TMEM50B: variants seen among roughly 807,000 people sequenced by gnomAD.
TMEM50B encodes the protein transmembrane protein 50B.
A neutral mutation model predicts 23.4 loss-of-function variants in TMEM50B; 14 were observed. That is an observed-to-expected ratio of 0.60 (90% CI 0.39 to 0.93). The LOEUF (loss-of-function observed/expected upper bound fraction) is 0.93. TMEM50B is among the 40% of genes least tolerant of loss of function. TMEM50B has a pLI of 0.00. For missense variants in TMEM50B, 159 were observed against 193.0 expected (o/e 0.82, Z 1.04); for synonymous variants, 64 against 62.3 (o/e 1.03, Z -0.13).
intron 4 of TMEM50B, among the ~76,000 whole-genome samples, chr21:33,461,022 G>A (rs2248355): frequency 0.77 from 117,431 of 152,192 alleles, 45,856 homozygotes; most frequent in East Asian, 0.98. Flanking sequence ...AAAACTTCAA[G>A]ATCAGAAGTA....
intron 7 of TMEM50B, among the ~76,000 whole-genome samples, chr21:33,439,534 C>G (rs1028848700): frequency 1.4e-4 from 21 of 151,698 alleles, no homozygotes; most frequent in Admixed American, 9.2e-4. Flanking sequence ...TGTGCGCCAC[C>G]ACACCCAGCT....
At chr21:33,460,644 T>C in intron 4 of TMEM50B, 139 bp from the exon 5 acceptor site, 1 of 433,072 alleles carries the variant, frequency 2.3e-6, no homozygotes, top group Non-Finnish European at 4.2e-6. Flanking sequence ...ATAAATCTGC[T>C]GTAAGTTAAA....
chr21:33,476,379 G>A (rs1005382481), intron 1 of TMEM50B, among the ~76,000 whole-genome samples: 8 of 151,836 alleles, frequency 5.3e-5, no homozygotes, highest in African/African-American at 1.2e-4. Context: ...GCAAAACTCC[G>A]TCTCAAAAAA....
exon 9 of TMEM50B, chr21:33,432,644 T>C: frequency 6.6e-7 from 1 of 1,525,480 alleles, no homozygotes; most frequent in East Asian, 2.2e-5. Context: ...GCAGCATGGA[T>C]GGAACATTAA....
intron 8 of TMEM50B, among the ~76,000 whole-genome samples, chr21:33,435,043 T>C (rs1000960263): frequency 6.6e-6 from 1 of 152,222 alleles, no homozygotes; most frequent in Non-Finnish European, 1.5e-5. Context: ...GGTACATGTT[T>C]TGGTTTTGTT....
chr21:33,464,804 C>CAAAAAAAAAAAAA (rs59855166), intron 4 of TMEM50B, among the ~76,000 whole-genome samples: 10 of 100,882 alleles, frequency 9.9e-5, no homozygotes, highest in South Asian at 3.4e-4. Context: ...AACTCCGTCT[C>CAAAAAAAAAAAAA]AAAAAAAAAA....
chr21:33,468,124 G>C (rs769597731), intron 2 of TMEM50B, among the ~76,000 whole-genome samples: 6 of 145,280 alleles, frequency 4.1e-5, no homozygotes, highest in African/African-American at 1.2e-4. Flanking sequence ...AACCAAGATA[G>C]GTCCTGATTT....
chr21:33,439,262 A>C (rs2083986974), exon 8 of TMEM50B: 2 of 152,298 alleles, frequency 1.3e-5, no homozygotes, highest in Admixed American at 6.6e-5. Context: ...TCTGTTGGGC[A>C]GCAGGATGGT....
intron 4 of TMEM50B, 63 bp downstream of exon 4, chr21:33,465,279 C>CT: frequency 4.0e-6 from 5 of 1,264,480 alleles, no homozygotes; most frequent in South Asian, 1.3e-5. Context: ...ACAAGAGAGG[C>CT]TTTTTTTCTG....
At chr21:33,456,427 T>C (rs1454630072) in intron 5 of TMEM50B, among the ~76,000 whole-genome samples, 1 of 152,244 alleles carries the variant, frequency 6.6e-6, no homozygotes, top group Non-Finnish European at 1.5e-5. Context: ...GAATTTATCA[T>C]TCTCTTTCAC....
intron 7 of TMEM50B, among the ~76,000 whole-genome samples, chr21:33,439,622 C>T (rs1380132129): frequency 6.6e-6 from 1 of 151,770 alleles, no homozygotes; most frequent in Admixed American, 6.6e-5. Flanking sequence ...TCAGGTGATC[C>T]GCTCACCTCA....
chr21:33,475,363 T>C (rs915718043), intron 1 of TMEM50B, among the ~76,000 whole-genome samples: 1 of 151,918 alleles, frequency 6.6e-6, no homozygotes, highest in Non-Finnish European at 1.5e-5. Context: ...TATTTTTTTT[T>C]GGGAGATGGA....
At chr21:33,450,891 G>T in intron 6 of TMEM50B, 28 bp from the exon 7 acceptor site, 1 of 1,595,946 alleles carries the variant, frequency 6.3e-7, no homozygotes, top group Non-Finnish European at 8.6e-7. Context: ...CAAATCATGA[G>T]GAAAAAACCG....
intron 5 of TMEM50B, among the ~76,000 whole-genome samples, chr21:33,456,506 T>C (rs2084169746): frequency 6.6e-6 from 1 of 152,232 alleles, no homozygotes; most frequent in African/African-American, 2.4e-5. Flanking sequence ...GGAAACTACT[T>C]AAATTTTTGT....
At chr21:33,446,660 A>AC (rs2084060526), downstream of TMEM50B, among the ~76,000 whole-genome samples, 2 of 145,368 alleles carry the variant, frequency 1.4e-5, no homozygotes, top group Non-Finnish European at 3.0e-5. Context: ...ACACACAAAA[A>AC]AAAAAAAAAA....
intron 4 of TMEM50B, among the ~76,000 whole-genome samples, chr21:33,461,331 T>C (rs974068047): frequency 6.6e-6 from 1 of 152,194 alleles, no homozygotes; most frequent in Non-Finnish European, 1.5e-5. Context: ...TGATCAAAGT[T>C]CATAATGGTT....
At chr21:33,439,810 C>G (rs62226409) in intron 7 of TMEM50B, among the ~76,000 whole-genome samples, 151,926 of 151,978 alleles carry the variant, frequency 1, 75,937 homozygotes, top group Middle Eastern at 1. Context: ...CACTTTGAGA[C>G]CCTGAGGTGG....
intron 1 of TMEM50B, among the ~76,000 whole-genome samples, chr21:33,477,175 G>A (rs939343195): frequency 6.6e-5 from 10 of 152,006 alleles, no homozygotes; most frequent in African/African-American, 2.4e-4. Flanking sequence ...CTCGCCTATA[G>A]TCTCAGCTTC....
At chr21:33,471,186 AG>A (rs2123455111) in intron 1 of TMEM50B, among the ~76,000 whole-genome samples, 1 of 152,352 alleles carries the variant, frequency 6.6e-6, no homozygotes, top group Admixed American at 6.5e-5. Flanking sequence ...AGGGAGGATC[AG>A]TAAACACCTT....
Sources: gnomAD v4.1 joint callset for allele counts (sites outside exome capture counted in the v4.1 genomes callset) on GRCh38, gnomAD v4.1.1 for gene constraint, MANE v1.5 for transcripts, NCBI Gene and HGNC (gene_info 2026-07-23, HGNC 2026-07-21) for gene names.